GPR180: variants seen among roughly 807,000 people sequenced by gnomAD.
GPR180 encodes integral membrane protein GPR180.
Under a neutral mutation model 52.6 loss-of-function variants are expected in GPR180, and 53 were observed. That is an observed-to-expected ratio of 1.01 (90% CI 0.81 to 1.27). The LOEUF (loss-of-function observed/expected upper bound fraction) is 1.27, where lower values mean the gene tolerates loss of function less well. Among genes scored for constraint, GPR180 ranks in the 50% most tolerant of loss-of-function variants. The pLI is 0.00. For missense variants in GPR180, 533 were observed against 527.0 expected (o/e 1.01, Z -0.11); for synonymous variants, 200 against 193.1 (o/e 1.04, Z -0.30).
intron 3 of GPR180, among the ~76,000 whole-genome samples, chr13:94,613,948 G>A (rs1451242643): frequency 3.3e-5 from 5 of 150,314 alleles, no homozygotes; most frequent in African/African-American, 7.4e-5. Context: ...GTGCAGTCTC[G>A]GCCCACCGCA....
intron 6 of GPR180, among the ~76,000 whole-genome samples, chr13:94,621,934 A>G (rs1410823652): frequency 1.3e-5 from 2 of 152,218 alleles, no homozygotes. Context: ...AGCATTAGCT[A>G]TAGATGAAAA....
In GPR180 at chr13:94,625,914, G is replaced by A. The variant is rs1889922592; in HGVS notation, c.1087-52G>A. 32 of 1,404,270 alleles carry A rather than the reference G, an allele frequency of 2.3e-5. No individual in the cohort carries two copies. In the South Asian group the frequency reaches 4.0e-4, roughly 17 times the overall value. 87.0% of individuals were successfully genotyped at this position (1,404,270 alleles called of 1,614,324 possible). A position where few individuals can be genotyped will look rare whatever the true frequency, so the allele number is the denominator to read the frequency against. ...AGTAACATTTTTTTGTCTGGTACAT[G>A]CTGAAAAAAAGCTACACAGTTCTAC... is the stretch of plus-strand genomic sequence containing the variant. On this transcript the variant is annotated intron_variant, in intron 7 of 8. Transcript: ENST00000376958.
At chr13:94,624,063 G>T (rs1017130844) in intron 7 of GPR180, among the ~76,000 whole-genome samples, 1 of 152,162 alleles carries the variant, frequency 6.6e-6, no homozygotes, top group Non-Finnish European at 1.5e-5. Flanking sequence ...GTTTCAGCCA[G>T]CCTCACCCCA....
chr13:94,619,048 A>T, intron 3 of GPR180, 102 bp from the exon 4 acceptor site: 1 of 961,940 alleles, frequency 1.0e-6, no homozygotes, highest in Non-Finnish European at 1.5e-6. Flanking sequence ...CTCCAGTTAA[A>T]AAACAAGTTC....
chr13:94,612,112 T>A (rs1459862634), intron 2 of GPR180, 78 bp from the exon 3 acceptor site: 2 of 1,137,494 alleles, frequency 1.8e-6, no homozygotes, highest in Non-Finnish European at 2.6e-6. Flanking sequence ...TGTCCTAACC[T>A]CAAATTGATT....
Position 94,627,923 on chromosome 13 carries a change from A to G in GPR180, c.*752A>G, listed in dbSNP as rs1889948553. ...AAGCAGGTTTATGTGTTTAAACAGA[A>G]AGAAGGGAAAAGGTACTATGTGATA... On this transcript the variant is annotated 3_prime_UTR_variant, in exon 9 of 9. Transcript: ENST00000376958. 6.6e-6 allele frequency: 1 copy of G among 152,538 alleles called. No homozygotes were observed. Among genetic ancestry groups the G allele is most frequent in the African/African-American group, 2.4e-5 (1 of 41,442 alleles). The allele number at this position is 152,538 out of a possible 1,614,324, so 9.4% of individuals were successfully genotyped here. A position where few individuals can be genotyped will look rare whatever the true frequency, so the allele number is the denominator to read the frequency against.
chr13:94,625,293 G>A (rs1889914749), intron 7 of GPR180, among the ~76,000 whole-genome samples: 1 of 152,022 alleles, frequency 6.6e-6, no homozygotes, highest in Non-Finnish European at 1.5e-5. Context: ...AAGTATATAT[G>A]CCTATATATA....
intron 8 of GPR180, among the ~76,000 whole-genome samples, chr13:94,626,749 C>A (rs1889933286): frequency 6.6e-6 from 1 of 152,028 alleles, no homozygotes; most frequent in South Asian, 2.1e-4. Context: ...GTAGTGCATA[C>A]CCTTAGGAGA....
In GPR180 at chr13:94,629,370, C is replaced by A. The variant is rs1355223256; in HGVS notation, c.*2199C>A. ...GTTCATCCAGAGCTTTATTAAGAAG[C>A]ATTTCTTTTCTTCCCTTAAAAAATA... On this transcript the variant is annotated 3_prime_UTR_variant, in exon 9 of 9. Transcript: ENST00000376958. 1 of 152,038 alleles carries A rather than the reference C, an allele frequency of 6.6e-6. No individual in the cohort carries two copies. Among genetic ancestry groups the A allele is most frequent in the Non-Finnish European group, 1.5e-5 (1 of 67,952 alleles). 9.4% of individuals were successfully genotyped at this position (152,038 alleles called of 1,614,324 possible).
intron 3 of GPR180, among the ~76,000 whole-genome samples, chr13:94,615,561 G>A (rs559623082): frequency 1.3e-5 from 2 of 152,178 alleles, no homozygotes; most frequent in Non-Finnish European, 2.9e-5. Context: ...AGGCAAGTGT[G>A]ATGCCGATTG....
chr13:94,627,809 A>T lies in GPR180; in HGVS notation c.*638A>T, dbSNP rs1365515818. 1 of 152,204 alleles carries T rather than the reference A, an allele frequency of 6.6e-6. No individual in the cohort carries two copies. Among genetic ancestry groups the T allele is most frequent in the African/African-American group, 2.4e-5 (1 of 41,450 alleles). The allele number at this position is 152,204 out of a possible 1,614,324, so 9.4% of individuals were successfully genotyped here. A position where few individuals can be genotyped will look rare whatever the true frequency, so the allele number is the denominator to read the frequency against. On this transcript the variant is annotated 3_prime_UTR_variant, in exon 9 of 9. Transcript: ENST00000376958. ...AGCTTGATTAGCAAAGGTTTTTGAC[A>T]AACAGTTTATGAAAAAATAAAACTT... is the stretch of plus-strand genomic sequence containing the variant.
chr13:94,605,405 CTG>C lies in GPR180; in HGVS notation c.166_167del (p.Val56GlnfsTer14). On this transcript the variant is annotated frameshift_variant, in exon 2 of 9. Transcript: ENST00000376958. LOFTEE classifies it high-confidence loss of function. ...TTAATGTCAAGGTGACCATGCTCTT[CTG>C]TGTGTCAGAATCAACAACATAGCAG... is the stretch of plus-strand genomic sequence containing the variant. The part of the protein sequence containing the change: ...HFEFHGDHAL[L>X]CVRINNIAVA... 6.2e-7 allele frequency: 1 copy of C among 1,614,004 alleles called. No individual in the cohort carries two copies. Among genetic ancestry groups the C allele is most frequent in the Non-Finnish European group, 8.5e-7 (1 of 1,179,972 alleles).
Position 94,629,360 on chromosome 13 carries a change from T to A in GPR180, c.*2189T>A, listed in dbSNP as rs1218043698. 6.6e-6 allele frequency: 1 copy of A among 152,164 alleles called. No individual in the cohort carries two copies. The highest frequency in any genetic ancestry group is 1.5e-5 in the Non-Finnish European group (1 of 67,990). 9.4% of individuals were successfully genotyped at this position (152,164 alleles called of 1,614,324 possible). A position where few individuals can be genotyped will look rare whatever the true frequency, so the allele number is the denominator to read the frequency against. On this transcript the variant is annotated 3_prime_UTR_variant, in exon 9 of 9. Coordinates refer to ENST00000376958, the MANE Select transcript of GPR180 (RefSeq NM_180989.6). ...AAGATAAATGGTTCATCCAGAGCTTTATTAAGAAGCATTTCTTTTCTTCCC... is the reference window on the plus strand; with the variant it reads ...AAGATAAATGGTTCATCCAGAGCTTAATTAAGAAGCATTTCTTTTCTTCCC...
At position 94,628,159 on chromosome 13, in the gene GPR180, G is replaced by C; in HGVS notation, c.*988G>C. The C allele has an allele frequency of 6.6e-6, 1 of 152,458 alleles. No individual in the cohort carries two copies. Among genetic ancestry groups the C allele is most frequent in the East Asian group, 1.9e-4 (1 of 5,196 alleles). The allele number at this position is 152,458 out of a possible 1,614,324, so 9.4% of individuals were successfully genotyped here. On this transcript the variant is annotated 3_prime_UTR_variant, in exon 9 of 9. Coordinates refer to ENST00000376958, the MANE Select transcript of GPR180 (RefSeq NM_180989.6). ...GAAAAACAAAACACTCACTGGATTTGTTATAATCCGTGTTGGCACTGGATT... is the reference window on the plus strand; with the variant it reads ...GAAAAACAAAACACTCACTGGATTTCTTATAATCCGTGTTGGCACTGGATT...
intron 6 of GPR180, among the ~76,000 whole-genome samples, chr13:94,622,102 G>C (rs1375297526): frequency 7.5e-6 from 1 of 132,684 alleles, no homozygotes; most frequent in Non-Finnish European, 1.6e-5. Flanking sequence ...TAGGAGTATT[G>C]AATTTACATG....
chr13:94,623,923 A>G (rs566045317), intron 7 of GPR180, among the ~76,000 whole-genome samples: 2 of 152,304 alleles, frequency 1.3e-5, no homozygotes, highest in East Asian at 3.9e-4. Flanking sequence ...TTAAAATCAA[A>G]TATGGTTTGG....
chr13:94,633,867 T>C lies in GPR180; in HGVS notation c.*6696T>C, dbSNP rs1890031144. 6.6e-6 allele frequency: 1 copy of C among 152,184 alleles called. No individual in the cohort carries two copies. Among genetic ancestry groups the C allele is most frequent in the African/African-American group, 2.4e-5 (1 of 41,448 alleles). 9.4% of individuals were successfully genotyped at this position (152,184 alleles called of 1,614,324 possible). On this transcript the variant is annotated 3_prime_UTR_variant, in exon 9 of 9. Transcript: ENST00000376958. ...TTCATCCACCTGGAATTTATTTTGC[T>C]GTTAAAATATGAATTAGAGATCCAA...
chr13:94,620,932 T>G, intron 5 of GPR180, 146 bp from the exon 6 acceptor site: 1 of 639,152 alleles, frequency 1.6e-6, no homozygotes, highest in Non-Finnish European at 2.6e-6. Context: ...CCTGCGAATA[T>G]CTCTTAATGA....
chr13:94,621,804 TA>T (rs1889855747), intron 6 of GPR180, among the ~76,000 whole-genome samples: 1 of 152,176 alleles, frequency 6.6e-6, no homozygotes, highest in African/African-American at 2.4e-5. Flanking sequence ...CCTTTTTTTT[TA>T]TTTTCCTCTA....
Sources: gnomAD v4.1 joint callset for allele counts (sites outside exome capture counted in the v4.1 genomes callset) on GRCh38, gnomAD v4.1.1 for gene constraint, MANE v1.5 for transcripts, NCBI Gene and HGNC (gene_info 2026-07-23, HGNC 2026-07-21) for gene names.